MKLN1: variants seen among roughly 807,000 people sequenced by gnomAD.
MKLN1 encodes muskelin 1.
Under a neutral mutation model 99.0 loss-of-function variants are expected in MKLN1, and 18 were observed. That is an observed-to-expected ratio of 0.18 (90% CI 0.13 to 0.27). The LOEUF (loss-of-function observed/expected upper bound fraction) is 0.27. Among genes scored for constraint, MKLN1 ranks in the 10% least tolerant of loss-of-function variants. The probability of loss-of-function intolerance (pLI) is 1.00; values close to 1 mark genes in which losing one functional copy is unlikely to be tolerated. For synonymous variants in MKLN1, 288 were observed against 293.2 expected (o/e 0.98, Z 0.18); for missense variants, 621 against 875.9 (o/e 0.71, Z 3.67).
At chr7:131,379,451 A>G (rs1236674714) in intron 2 of MKLN1, among the ~76,000 whole-genome samples, 1 of 152,236 alleles carries the variant, frequency 6.6e-6, no homozygotes, top group Non-Finnish European at 1.5e-5. Flanking sequence ...GTGATGTGGC[A>G]GATTTGAAAA....
chr7:131,344,804 A>G (rs1336985294), intron 1 of MKLN1, among the ~76,000 whole-genome samples: 1 of 152,080 alleles, frequency 6.6e-6, no homozygotes, highest in African/African-American at 2.4e-5. Context: ...ATGGATCATA[A>G]ATAATTTTTT....
intron 8 of MKLN1, among the ~76,000 whole-genome samples, chr7:131,419,853 T>G (rs1312464245): frequency 6.6e-6 from 1 of 152,136 alleles, no homozygotes; most frequent in African/African-American, 2.4e-5. Flanking sequence ...AGGACTTTGT[T>G]TAGGACTTTA....
At chr7:131,113,521 C>G (rs571199568) in intron 1 of MKLN1, among the ~76,000 whole-genome samples, 2 of 152,166 alleles carry the variant, frequency 1.3e-5, no homozygotes, top group Admixed American at 1.3e-4. Context: ...ATCAAATGTT[C>G]ATTTTAGAAA....
intron 3 of MKLN1, among the ~76,000 whole-genome samples, chr7:131,247,235 C>CTTTTCTT (rs1554542026): frequency 1.4e-5 from 2 of 141,148 alleles, no homozygotes; most frequent in African/African-American, 5.3e-5. Context: ...TTTCTTTTTT[C>CTTTTCTT]TTTTTTTTTT....
At chr7:131,209,322 C>T (rs11760434) in intron 3 of MKLN1, among the ~76,000 whole-genome samples, 65,264 of 151,898 alleles carry the variant, frequency 0.43, 14,420 homozygotes, top group East Asian at 0.69. Flanking sequence ...CAATGAATTG[C>T]AGAGAGCAAG....
chr7:131,478,520 G>A lies in MKLN1; in HGVS notation c.2032-103G>A, dbSNP rs555123081. On this transcript the variant is annotated intron_variant, in intron 16 of 17. Coordinates refer to ENST00000352689, the MANE Select transcript of MKLN1 (RefSeq NM_013255.5). ...CTATGTCACACATATGCAGAAATAC[G>A]TAGTTGCTGATAAATGGTCAAAGTT... 6.1e-5 allele frequency: 71 copies of A among 1,167,240 alleles called. 1 individual carries two copies. In the South Asian group the frequency reaches 8.7e-4, roughly 14 times the overall value. 72.3% of individuals were successfully genotyped at this position (1,167,240 alleles called of 1,614,324 possible).
chr7:131,240,003 G>A (rs1249102570), intron 3 of MKLN1, among the ~76,000 whole-genome samples: 1 of 152,094 alleles, frequency 6.6e-6, no homozygotes, highest in Non-Finnish European at 1.5e-5. Context: ...GCAACATAGT[G>A]AGACCCATCT....
intron 2 of MKLN1, among the ~76,000 whole-genome samples, chr7:131,180,330 A>C (rs374728204): frequency 1.3e-5 from 2 of 152,230 alleles, no homozygotes; most frequent in Non-Finnish European, 2.9e-5. Flanking sequence ...AATGGTGCAA[A>C]TGTTACCATT....
chr7:131,129,652 C>T (rs35550988), intron 1 of MKLN1, among the ~76,000 whole-genome samples: 44,686 of 152,046 alleles, frequency 0.29, 6,979 homozygotes, highest in East Asian at 0.59. Context: ...TAGCTCACTG[C>T]AGCCTTGACC....
chr7:131,486,790 C>T (rs1218022701), intron 17 of MKLN1, among the ~76,000 whole-genome samples: 1 of 152,118 alleles, frequency 6.6e-6, no homozygotes, highest in African/African-American at 2.4e-5. Flanking sequence ...TTGATGAAGA[C>T]AGCATCTCAC....
intron 6 of MKLN1, among the ~76,000 whole-genome samples, chr7:131,410,475 G>T (rs1311634382): frequency 1.3e-5 from 2 of 152,108 alleles, no homozygotes; most frequent in Non-Finnish European, 2.9e-5. Flanking sequence ...TTATCTTTAT[G>T]TAGTTTTGTA....
In MKLN1 at chr7:131,120,374, A is replaced by C. The variant is rs576012541; in HGVS notation, c.-419+10167A>C. Among the ~76,000 whole-genome samples, 162 of 147,690 alleles carry C rather than the reference A, an allele frequency of 1.1e-3. 2 individuals are homozygous for C. The highest frequency in any genetic ancestry group is 8.7e-3 in the South Asian group (36 of 4,144). ...ACCCCATCTCTACTAAAAATACAAA[A>C]AAACAAACAAACAAACAAAAAAAAA... On this transcript the variant is annotated intron_variant, in intron 1 of 7. Coordinates refer to the MKLN1 transcript ENST00000416992.
At position 131,193,092 on chromosome 7, in the gene MKLN1, T is replaced by C. The variant is rs905948487; in HGVS notation, c.-296-9765T>C. 6.6e-5 allele frequency among the ~76,000 whole-genome samples: 10 copies of C among 152,312 alleles called. No individual in the cohort carries two copies. In the East Asian group the frequency reaches 1.9e-3, roughly 29 times the overall value. ...AATATGCTAACTTCCATATAACAGT[T>C]ACAAAATTTAAATGGCTTACAGAAT... On this transcript the variant is annotated intron_variant, in intron 2 of 7. Transcript: ENST00000416992.
intron 3 of MKLN1, among the ~76,000 whole-genome samples, chr7:131,294,247 A>G (rs961367384): frequency 6.6e-6 from 1 of 152,194 alleles, no homozygotes; most frequent in African/African-American, 2.4e-5. Context: ...GTAGTAATGG[A>G]GGAAAATGCC....
chr7:131,299,138 C>T (rs999360680), intron 3 of MKLN1, among the ~76,000 whole-genome samples: 5 of 152,186 alleles, frequency 3.3e-5, no homozygotes, highest in Non-Finnish European at 7.3e-5. Context: ...TGGTTTGTGA[C>T]AGCTGGCCCT....
rs1794533119 is a variant in MKLN1, at chr7:131,401,155, G to T, written c.703+1722G>T. On this transcript the variant is annotated intron_variant, in intron 6 of 17. Coordinates refer to ENST00000352689, the MANE Select transcript of MKLN1 (RefSeq NM_013255.5). ...TCTCTGTCAAGCTTCTTGTAATGGA[G>T]GATACAAAAGCTACTTTTAGTATTT... 2.6e-5 allele frequency among the ~76,000 whole-genome samples: 4 copies of T among 152,082 alleles called. No homozygotes were observed. In the South Asian group the frequency reaches 8.3e-4, roughly 32 times the overall value.
At chr7:131,150,213 G>A (rs1795869620) in intron 2 of MKLN1, among the ~76,000 whole-genome samples, 1 of 152,082 alleles carries the variant, frequency 6.6e-6, no homozygotes, top group Non-Finnish European at 1.5e-5. Context: ...CTTAAAAGTG[G>A]CAACAAAATC....
At chr7:131,138,159 G>T (rs1473017256) in intron 1 of MKLN1, among the ~76,000 whole-genome samples, 2 of 150,606 alleles carry the variant, frequency 1.3e-5, no homozygotes, top group Admixed American at 6.6e-5. Flanking sequence ...TCCAAACCTC[G>T]GGTGATCTAC....
chr7:131,252,259 C>T (rs987476862), intron 3 of MKLN1, among the ~76,000 whole-genome samples: 3 of 151,852 alleles, frequency 2.0e-5, no homozygotes, highest in African/African-American at 7.3e-5. Flanking sequence ...ATGAAAATTG[C>T]TCCACTATAA....
Sources: gnomAD v4.1 joint callset for allele counts (sites outside exome capture counted in the v4.1 genomes callset) on GRCh38, gnomAD v4.1.1 for gene constraint, MANE v1.5 for transcripts, NCBI Gene and HGNC (gene_info 2026-07-23, HGNC 2026-07-21) for gene names.